The following FRMD5 variants were observed in gnomAD, a reference collection of about 807,000 sequenced individuals.
FRMD5 encodes FERM domain containing 5.
In FRMD5, 20 loss-of-function variants were observed where a neutral mutation model predicts 69.0. The observed-to-expected ratio is 0.29, with a 90% CI of 0.20 to 0.42. The LOEUF is 0.42. Among genes scored for constraint, FRMD5 ranks in the 10% least tolerant of loss-of-function variants. The pLI, the probability that FRMD5 is intolerant of heterozygous loss-of-function variation, is 1.00. For synonymous variants in FRMD5, 271 were observed against 260.1 expected, an observed-to-expected ratio of 1.04 and a Z score of -0.40; for missense variants, 595 against 708.6, an observed-to-expected ratio of 0.84 and a Z score of 1.82.
intron 1 of FRMD5, among the ~76,000 whole-genome samples, chr15:44,132,418 T>C (rs1403842221): frequency 6.6e-6 from 1 of 152,108 alleles, no homozygotes; most frequent in Non-Finnish European, 1.5e-5. Flanking sequence ...TGGTAGTACA[T>C]TATGAATGTG....
chr15:43,932,389 A>AT (rs1338774021), intron 1 of FRMD5, among the ~76,000 whole-genome samples: 7 of 152,162 alleles, frequency 4.6e-5, no homozygotes, highest in African/African-American at 1.7e-4. Flanking sequence ...ACCCAAGGCT[A>AT]TTTTTTTCCT....
chr15:43,967,509 G>A (rs938141309), intron 1 of FRMD5, among the ~76,000 whole-genome samples: 1 of 151,994 alleles, frequency 6.6e-6, no homozygotes, highest in African/African-American at 2.4e-5. Flanking sequence ...AGGCTTATAG[G>A]CATGAGCCAC....
intron 1 of FRMD5, among the ~76,000 whole-genome samples, chr15:43,945,946 C>T (rs748680571): frequency 9.2e-5 from 14 of 152,084 alleles, no homozygotes; most frequent in Admixed American, 2.0e-4. Context: ...ATCCCAGCTA[C>T]TTGGGAGGCT....
intron 1 of FRMD5, among the ~76,000 whole-genome samples, chr15:44,171,208 G>C (rs2077796963): frequency 6.6e-6 from 1 of 152,124 alleles, no homozygotes. Context: ...AATATACTAA[G>C]TTATCACAGA....
chr15:43,935,218 G>A (rs772327946), intron 1 of FRMD5, among the ~76,000 whole-genome samples: 3 of 152,198 alleles, frequency 2.0e-5, no homozygotes, highest in East Asian at 1.9e-4. Flanking sequence ...GGTGGCTCCC[G>A]CCTGTAATCC....
intron 5 of FRMD5, among the ~76,000 whole-genome samples, chr15:43,907,741 C>T (rs2089207232): frequency 6.6e-6 from 1 of 152,164 alleles, no homozygotes; most frequent in Non-Finnish European, 1.5e-5. Flanking sequence ...CTCTTGACCT[C>T]ATGATCTGCC....
chr15:43,919,249 G>A (rs2089449850), intron 4 of FRMD5: 1 of 705,256 alleles, frequency 1.4e-6, no homozygotes, highest in African/African-American at 1.7e-5. Flanking sequence ...CACACTTCTT[G>A]AAGGAAAGAA....
chr15:44,002,056 C>G (rs1008689108), intron 1 of FRMD5, among the ~76,000 whole-genome samples: 1 of 152,098 alleles, frequency 6.6e-6, no homozygotes, highest in Admixed American at 6.5e-5. Flanking sequence ...ACAGTGAGCC[C>G]CTTCAAGTTG....
intron 1 of FRMD5, among the ~76,000 whole-genome samples, chr15:44,156,813 T>A (rs1409887916): frequency 6.6e-6 from 1 of 152,202 alleles, no homozygotes; most frequent in Non-Finnish European, 1.5e-5. Context: ...TCTACTCTAG[T>A]ACCAGCTACT....
chr15:44,068,349 C>T (rs2140404678), intron 1 of FRMD5, among the ~76,000 whole-genome samples: 1 of 152,272 alleles, frequency 6.6e-6, no homozygotes, highest in Non-Finnish European at 1.5e-5. Context: ...AAATGTCTAT[C>T]ACTTGATGAA....
chr15:44,181,670 C>T (rs900663173), intron 1 of FRMD5, among the ~76,000 whole-genome samples: 4 of 152,004 alleles, frequency 2.6e-5, no homozygotes, highest in East Asian at 1.9e-4. Flanking sequence ...GGGATGTTGA[C>T]GTGGGAGGAT....
chr15:44,126,046 C>T (rs557175403), intron 1 of FRMD5, among the ~76,000 whole-genome samples: 100 of 152,238 alleles, frequency 6.6e-4, no homozygotes, highest in African/African-American at 2.4e-3. Flanking sequence ...TCAAAAAAAC[C>T]AATATAAGTG....
intron 1 of FRMD5, among the ~76,000 whole-genome samples, chr15:43,953,472 G>A (rs2090068629): frequency 6.6e-6 from 1 of 152,172 alleles, no homozygotes; most frequent in Admixed American, 6.5e-5. Flanking sequence ...TGAGAAGAAG[G>A]CTTGGTCAGA....
chr15:44,048,016 T>C (rs1892502874), intron 1 of FRMD5, among the ~76,000 whole-genome samples: 1 of 152,214 alleles, frequency 6.6e-6, no homozygotes, highest in African/African-American at 2.4e-5. Flanking sequence ...GCTATGAACA[T>C]TCATTAACAA....
chr15:43,874,766 G>A (rs2088280728), intron 13 of FRMD5, among the ~76,000 whole-genome samples: 1 of 151,968 alleles, frequency 6.6e-6, no homozygotes, highest in African/African-American at 2.4e-5. Context: ...CGGGCCTGGT[G>A]GCACATGCCT....
At chr15:44,020,883 ATGCAG>A (rs1411545351) in intron 1 of FRMD5, among the ~76,000 whole-genome samples, 1 of 152,212 alleles carries the variant, frequency 6.6e-6, no homozygotes, top group Non-Finnish European at 1.5e-5. Flanking sequence ...TGGCGAAAAA[ATGCAG>A]TGGTACACCA....
At chr15:43,930,143 T>G (rs1357990043) in intron 1 of FRMD5, among the ~76,000 whole-genome samples, 1 of 152,158 alleles carries the variant, frequency 6.6e-6, no homozygotes, top group Admixed American at 6.5e-5. Flanking sequence ...CTTTACACTT[T>G]CTTTGAAGGG....
chr15:44,094,351 G>C (rs779823723), intron 1 of FRMD5, among the ~76,000 whole-genome samples: 3 of 152,114 alleles, frequency 2.0e-5, no homozygotes, highest in Non-Finnish European at 4.4e-5. Context: ...GTCTCTCTCT[G>C]AGGCCCAGCT....
chr15:44,135,262 T>G (rs921536190), intron 1 of FRMD5, among the ~76,000 whole-genome samples: 1 of 152,168 alleles, frequency 6.6e-6, no homozygotes, highest in Non-Finnish European at 1.5e-5. Context: ...TTTCTAAGTT[T>G]TCACAAATGG....
Sources: allele counts gnomAD v4.1 joint callset (sites outside exome capture counted in the v4.1 genomes callset), GRCh38; gene constraint gnomAD v4.1.1; transcripts MANE v1.5; gene names NCBI Gene and HGNC (gene_info 2026-07-23, HGNC 2026-07-21).